GPC3: variants seen among roughly 807,000 people sequenced by gnomAD.
GPC3 encodes glypican 3.
In GPC3, 3 loss-of-function variants were observed where a neutral mutation model predicts 34.4. The ratio of observed to expected loss-of-function variants is 0.09; its 90% CI spans 0.04 to 0.23. The LOEUF (loss-of-function observed/expected upper bound fraction) is 0.23, where lower values mean the gene tolerates loss of function less well. Among genes scored for constraint, GPC3 ranks in the 10% least tolerant of loss-of-function variants. GPC3 has a pLI of 1.00. For synonymous variants in GPC3, 177 were observed against 174.0 expected, an observed-to-expected ratio of 1.02 and a Z score of -0.13; for missense variants, 351 against 445.6, an observed-to-expected ratio of 0.79 and a Z score of 1.91.
At chrX:133,894,034 G>A (rs1233419886) in intron 2 of GPC3, among the ~76,000 whole-genome samples, 1 of 110,829 alleles carries the variant, frequency 9.0e-6, no homozygotes, top group Non-Finnish European at 1.9e-5. Flanking sequence ...GTAGAGACAG[G>A]GTTTCACCAT....
chrX:133,926,813 G>A (rs1382125292), intron 2 of GPC3, among the ~76,000 whole-genome samples: 1 of 87,050 alleles, frequency 1.1e-5, no homozygotes, highest in African/African-American at 4.4e-5. Flanking sequence ...CCGGCAAATC[G>A]GCAAATTCAA....
In GPC3 at chrX:133,848,708, A is replaced by G. The variant is rs187325572; in HGVS notation, c.338-94532T>C. Reference sequence around the variant, plus strand: ...AAGGGCCATGCAGTCACATAAGCACAGTACCAGCAAGGTACAAATCAGTGT... The same window carrying G: ...AAGGGCCATGCAGTCACATAAGCACGGTACCAGCAAGGTACAAATCAGTGT... On this transcript the variant is annotated intron_variant, in intron 2 of 7. Transcript: ENST00000370818. Among the ~76,000 whole-genome samples the G allele has an allele frequency of 4.5e-5, 5 of 111,984 alleles. No individual in the cohort carries two copies. In the East Asian group the frequency reaches 1.4e-3, roughly 31 times the overall value.
At chrX:133,746,946 A>G (rs1413846356) in intron 3 of GPC3, among the ~76,000 whole-genome samples, 1 of 111,977 alleles carries the variant, frequency 8.9e-6, no homozygotes, top group Non-Finnish European at 1.9e-5. Flanking sequence ...CTGACGAGTT[A>G]CAGTCACTCA....
chrX:133,831,335 T>A (rs139763076), intron 2 of GPC3, among the ~76,000 whole-genome samples: 1 of 112,378 alleles, frequency 8.9e-6, no homozygotes, highest in Non-Finnish European at 1.9e-5. Context: ...TGAGATATTA[T>A]CACTGGGGGA....
At chrX:133,650,123 C>T (rs1416253657) in intron 6 of GPC3, among the ~76,000 whole-genome samples, 1 of 111,691 alleles carries the variant, frequency 9.0e-6, no homozygotes, top group Non-Finnish European at 1.9e-5. Context: ...ATTCTAAATA[C>T]CTCCTGTGAG....
intron 3 of GPC3, among the ~76,000 whole-genome samples, chrX:133,707,259 T>G (rs895634417): frequency 8.1e-5 from 9 of 111,489 alleles, no homozygotes; most frequent in African/African-American, 2.9e-4. Context: ...TTGGGTACTA[T>G]GCTCACTACC....
At chrX:133,539,067 G>A (rs1016683008) in intron 7 of GPC3, among the ~76,000 whole-genome samples, 2 of 106,872 alleles carry the variant, frequency 1.9e-5, no homozygotes, top group African/African-American at 6.8e-5. Context: ...TTTAATTATA[G>A]TAATGACCCC....
At chrX:133,945,753 CAAA>C (rs199768417) in intron 2 of GPC3, among the ~76,000 whole-genome samples, 1 of 79,383 alleles carries the variant, frequency 1.3e-5, no homozygotes. Flanking sequence ...GACTCCGTCT[CAAA>C]AAAAAAAAAA....
At chrX:133,609,437 C>T in intron 6 of GPC3, among the ~76,000 whole-genome samples, 1 of 112,342 alleles carries the variant, frequency 8.9e-6, no homozygotes, top group Non-Finnish European at 1.9e-5. Context: ...TTGAACAGAA[C>T]TGCTGGTATT....
rs189341289 is a variant in GPC3, at chrX:133,582,176, T to C, written c.1573+14264A>G. 1.7e-3 allele frequency among the ~76,000 whole-genome samples: 191 copies of C among 112,386 alleles called. 2 individuals are homozygous for C. Among genetic ancestry groups the C allele is most frequent in the Non-Finnish European group, 2.4e-3 (127 of 53,335 alleles). On this transcript the variant is annotated intron_variant, in intron 7 of 7. Transcript: ENST00000370818. ...ATATGACCCTAAGAGTAGAGATAAT[T>C]ATAAAATGCAATAAAATAATTAGGA...
intron 6 of GPC3, among the ~76,000 whole-genome samples, chrX:133,630,805 TC>T (rs1287903455): frequency 8.9e-6 from 1 of 112,083 alleles, no homozygotes; most frequent in Non-Finnish European, 1.9e-5. Flanking sequence ...CCCAGGTGTC[TC>T]CTTGAAATCA....
At chrX:133,749,713 T>C (rs2071643971) in intron 3 of GPC3, among the ~76,000 whole-genome samples, 1 of 111,049 alleles carries the variant, frequency 9.0e-6, no homozygotes, top group African/African-American at 3.3e-5. Context: ...TTTAAAGAAG[T>C]CTCTCACCAC....
intron 2 of GPC3, among the ~76,000 whole-genome samples, chrX:133,861,158 C>T (rs775565987): frequency 2.7e-5 from 3 of 111,273 alleles, no homozygotes; most frequent in Non-Finnish European, 3.8e-5. Context: ...TATCAGCATA[C>T]GTATAAAACT....
chrX:133,590,012 A>G (rs1009557858), intron 7 of GPC3, among the ~76,000 whole-genome samples: 1 of 111,101 alleles, frequency 9.0e-6, no homozygotes, highest in South Asian at 3.8e-4. Context: ...AGGCCATGAG[A>G]GCTCTGCCCT....
intron 2 of GPC3, among the ~76,000 whole-genome samples, chrX:133,767,525 T>C (rs954344952): frequency 8.9e-6 from 1 of 111,808 alleles, no homozygotes; most frequent in Non-Finnish European, 1.9e-5. Flanking sequence ...TTCAAAGGGC[T>C]ACTGGCAGAA....
intron 2 of GPC3, among the ~76,000 whole-genome samples, chrX:133,946,053 T>C (rs2076367063): frequency 8.9e-6 from 1 of 112,292 alleles, no homozygotes; most frequent in East Asian, 2.8e-4. Flanking sequence ...TTCTGAATTT[T>C]GATCTACTTG....
At chrX:133,965,649 C>T (rs2076460143) in intron 1 of GPC3, among the ~76,000 whole-genome samples, 1 of 111,755 alleles carries the variant, frequency 8.9e-6, no homozygotes. Context: ...TTGTTTTAAG[C>T]CACCCAATTT....
At chrX:133,555,939 T>C (rs1336669990) in intron 7 of GPC3, among the ~76,000 whole-genome samples, 1 of 111,834 alleles carries the variant, frequency 8.9e-6, no homozygotes, top group African/African-American at 3.3e-5. Context: ...TTTCAGTAAA[T>C]GCTTCTACTG....
At chrX:133,910,741 G>C (rs762703503) in intron 2 of GPC3, among the ~76,000 whole-genome samples, 3 of 112,234 alleles carry the variant, frequency 2.7e-5, no homozygotes, top group East Asian at 5.6e-4. Context: ...TATGGGGAAA[G>C]CTAGTTGTTA....
Sources: gnomAD v4.1 joint callset for allele counts (sites outside exome capture counted in the v4.1 genomes callset) on GRCh38, gnomAD v4.1.1 for gene constraint, MANE v1.5 for transcripts, NCBI Gene and HGNC (gene_info 2026-07-23, HGNC 2026-07-21) for gene names.